The following ARSB variants were observed in gnomAD, a reference collection of about 807,000 sequenced individuals.
ARSB encodes N-acetylgalactosamine-4-sulfatase.
In ARSB, 41 loss-of-function variants were observed where a neutral mutation model predicts 50.9. The observed-to-expected ratio is 0.81, with a 90% CI of 0.63 to 1.04. The LOEUF (loss-of-function observed/expected upper bound fraction) is 1.04. Ranked by LOEUF, ARSB falls within the 50% of genes least tolerant of loss-of-function variation. ARSB has a pLI of 0.00. For synonymous variants in ARSB, 269 were observed against 284.8 expected (o/e 0.94, Z 0.56); for missense variants, 672 against 693.3 (o/e 0.97, Z 0.35).
At chr5:78,849,659 C>T (rs1745652320) in intron 5 of ARSB, among the ~76,000 whole-genome samples, 1 of 150,144 alleles carries the variant, frequency 6.7e-6, no homozygotes, top group Non-Finnish European at 1.5e-5. Context: ...GGCAGTATGG[C>T]CATTTTCACA....
At chr5:78,883,428 A>G (rs1299032930) in intron 5 of ARSB, 1 of 152,230 alleles carries the variant, frequency 6.6e-6, no homozygotes, top group Non-Finnish European at 1.5e-5. Context: ...TCAGGCAAGA[A>G]TAAGAGGGAA....
chr5:78,913,614 G>C (rs1749409543), intron 4 of ARSB, among the ~76,000 whole-genome samples: 2 of 152,220 alleles, frequency 1.3e-5, no homozygotes, highest in Non-Finnish European at 2.9e-5. Flanking sequence ...GTGAGTTAGA[G>C]CCTCTTAATC....
At chr5:78,927,686 G>C (rs1420869114) in intron 4 of ARSB, among the ~76,000 whole-genome samples, 1 of 152,200 alleles carries the variant, frequency 6.6e-6, no homozygotes, top group Non-Finnish European at 1.5e-5. Flanking sequence ...CTAGCTTGGA[G>C]AGACTGTATG....
chr5:78,851,595 G>A (rs1745786962), intron 5 of ARSB, among the ~76,000 whole-genome samples: 1 of 152,132 alleles, frequency 6.6e-6, no homozygotes, highest in African/African-American at 2.4e-5. Context: ...GCAGAGCTGA[G>A]TTCAATTCCT....
chr5:78,867,128 A>T (rs1401439563), intron 5 of ARSB, among the ~76,000 whole-genome samples: 1 of 152,024 alleles, frequency 6.6e-6, no homozygotes, highest in East Asian at 1.9e-4. Context: ...AAAACGGCGT[A>T]CCACGAGACT....
At chr5:78,851,861 T>A (rs1282739621) in intron 5 of ARSB, among the ~76,000 whole-genome samples, 1 of 152,150 alleles carries the variant, frequency 6.6e-6, no homozygotes, top group Non-Finnish European at 1.5e-5. Flanking sequence ...AAGTCTGTTT[T>A]ATCAGAGACT....
At chr5:78,783,064 C>T (rs892727401) in intron 6 of ARSB, among the ~76,000 whole-genome samples, 1 of 152,144 alleles carries the variant, frequency 6.6e-6, no homozygotes, top group African/African-American at 2.4e-5. Context: ...CACCTCACTC[C>T]TACTTATGCC....
intron 4 of ARSB, among the ~76,000 whole-genome samples, chr5:78,932,310 CGCTAA>C (rs1750363930): frequency 6.6e-6 from 1 of 152,222 alleles, no homozygotes; most frequent in Admixed American, 6.5e-5. Flanking sequence ...ATCAAGGCAA[CGCTAA>C]CCTTTCTGCA....
At chr5:78,876,061 T>C (rs907541877) in intron 5 of ARSB, among the ~76,000 whole-genome samples, 1 of 152,106 alleles carries the variant, frequency 6.6e-6, no homozygotes, top group African/African-American at 2.4e-5. Flanking sequence ...TACTGAAAAA[T>C]TACTTTAAAA....
chr5:78,818,996 C>G (rs1406026612), intron 6 of ARSB, among the ~76,000 whole-genome samples: 1 of 152,194 alleles, frequency 6.6e-6, no homozygotes, highest in African/African-American at 2.4e-5. Flanking sequence ...TCCCTGGGGC[C>G]TGCACAGTGA....
intron 1 of ARSB, among the ~76,000 whole-genome samples, chr5:78,983,230 T>C (rs1752993598): frequency 1.3e-5 from 2 of 152,050 alleles, no homozygotes; most frequent in Non-Finnish European, 2.9e-5. Context: ...ATTTTTGTAG[T>C]TTTAGTAGAG....
chr5:78,904,328 T>G (rs927381983), intron 4 of ARSB, among the ~76,000 whole-genome samples: 1 of 152,182 alleles, frequency 6.6e-6, no homozygotes, highest in Non-Finnish European at 1.5e-5. Context: ...GTGAACATGC[T>G]TTCATTCAAT....
intron 3 of ARSB, among the ~76,000 whole-genome samples, chr5:78,955,748 G>A (rs887196741): frequency 6.6e-6 from 1 of 152,120 alleles, no homozygotes; most frequent in African/African-American, 2.4e-5. Flanking sequence ...TTTCTCCAAA[G>A]AGGATACACA....
chr5:78,821,244 T>G (rs1219345328), intron 6 of ARSB, among the ~76,000 whole-genome samples: 2 of 152,200 alleles, frequency 1.3e-5, no homozygotes, highest in Non-Finnish European at 2.9e-5. Context: ...CAAGCTATTC[T>G]CCTGCCTCAG....
In ARSB at chr5:78,968,999, C is replaced by T. The variant is rs1334103341; in HGVS notation, c.499+7G>A. The T allele has an allele frequency of 3.1e-6, 5 of 1,614,082 alleles. No individual in the cohort carries two copies. In the East Asian group the frequency reaches 1.1e-4, roughly 36 times the overall value. On this transcript the variant is annotated splice_region_variant and intron_variant, in intron 2 of 7. Transcript: ENST00000264914. Reference sequence around the variant, plus strand: ...AGTTGTTAAAGAAACATGTGCATTTCCATTACCAAAGTAGGTATCAAATCC... The same window carrying T: ...AGTTGTTAAAGAAACATGTGCATTTTCATTACCAAAGTAGGTATCAAATCC...
At chr5:78,835,627 T>C (rs911680958) in intron 6 of ARSB, among the ~76,000 whole-genome samples, 3 of 152,160 alleles carry the variant, frequency 2.0e-5, no homozygotes, top group African/African-American at 7.2e-5. Context: ...TGCACTTGTG[T>C]TTATCTATTT....
chr5:78,840,190 T>C (rs187407332), intron 5 of ARSB, among the ~76,000 whole-genome samples: 10 of 152,324 alleles, frequency 6.6e-5, no homozygotes, highest in African/African-American at 2.4e-4. Context: ...TTTGCTAGTG[T>C]AGACTCAGCC....
At chr5:78,818,845 C>T (rs1048406549) in intron 6 of ARSB, among the ~76,000 whole-genome samples, 3 of 152,004 alleles carry the variant, frequency 2.0e-5, no homozygotes. Flanking sequence ...CCTTAAGCAA[C>T]CTTGCTCAAT....
At chr5:78,957,966 A>T (rs60772501) in intron 3 of ARSB, among the ~76,000 whole-genome samples, 2 of 47,486 alleles carry the variant, frequency 4.2e-5, no homozygotes, top group East Asian at 4.1e-4. Context: ...GTAAAGTTTT[A>T]AAAAAAATCA....
Sources: allele counts gnomAD v4.1 joint callset (sites outside exome capture counted in the v4.1 genomes callset), GRCh38; gene constraint gnomAD v4.1.1; transcripts MANE v1.5; gene names NCBI Gene and HGNC (gene_info 2026-07-23, HGNC 2026-07-21).